Variants in TRPV1 observed in about 807,000 individuals in gnomAD.
TRPV1 encodes the protein OTRPC1.
Under a neutral mutation model 82.3 loss-of-function variants are expected in TRPV1, and 82 were observed. The ratio of observed to expected loss-of-function variants is 1.00; its 90% confidence interval spans 0.83 to 1.20. The LOEUF (loss-of-function observed/expected upper bound fraction) is 1.20. Among genes scored for constraint, TRPV1 ranks in the 50% most tolerant of loss-of-function variants. TRPV1 has a pLI of 0.00. For missense variants in TRPV1, 1,067 were observed against 1,096.8 expected, an observed-to-expected ratio of 0.97 and a Z score of 0.38; for synonymous variants, 515 against 467.7, an observed-to-expected ratio of 1.10 and a Z score of -1.30.
intron 13 of TRPV1, among the ~76,000 whole-genome samples, chr17:3,576,668 A>AATATATATATATAT (rs1555549458): frequency 2.1e-4 from 8 of 38,410 alleles, no homozygotes; most frequent in African/African-American, 5.1e-4. Flanking sequence ...AAAAAAAAAA[A>AATATATATATATAT]ATATATATAT....
intron 8 of TRPV1, 149 bp downstream of exon 8, chr17:3,588,039 T>A (rs1190579914): frequency 1.2e-6 from 1 of 824,676 alleles, no homozygotes; most frequent in Non-Finnish European, 1.9e-6. Context: ...TCAGTGGGCA[T>A]GAGTGGGGAA....
chr17:3,574,551 G>A (rs1365824023), intron 13 of TRPV1, among the ~76,000 whole-genome samples: 3 of 152,210 alleles, frequency 2.0e-5, no homozygotes, highest in African/African-American at 7.2e-5. Flanking sequence ...CTCCCAGCCA[G>A]GGATTCCAAC....
chr17:3,574,005 C>T (rs767611968), intron 13 of TRPV1, 50 bp from the exon 14 acceptor site: 1 of 1,469,762 alleles, frequency 6.8e-7, no homozygotes, highest in South Asian at 1.3e-5. Context: ...GCCAATATCC[C>T]AAGTCCCCTG....
rs575489206 is a variant in TRPV1 at position 3,577,623 on chromosome 17, C to T, written c.1688G>A (p.Gly563Asp). 6.3e-7 allele frequency: 1 copy of T among 1,582,790 alleles called. No homozygotes were observed. Among genetic ancestry groups the T allele is most frequent in the Non-Finnish European group, 8.6e-7 (1 of 1,164,698 alleles). Residue 563 changes from glycine to aspartate, a missense_variant, in exon 12 of 17, where the codon GGC becomes GAC. By Grantham distance (94) the Gly-to-Asp change is moderately conservative. Transcript: ENST00000572705. The stretch of plus-strand genomic sequence containing the variant: ...CTTCTCTATCATGACGGCATAGATG[C>T]CCATCTGCTGGAAACCGCGGGTGTA... ...LYYTRGFQQM[G>D]IYAVMIEKMI... is the part of the protein sequence containing the mutation.
chr17:3,599,459 G>A (rs1017414894), intron 2 of TRPV1, among the ~76,000 whole-genome samples: 1 of 151,626 alleles, frequency 6.6e-6, no homozygotes, highest in Non-Finnish European at 1.5e-5. Flanking sequence ...ACCCCCTAAC[G>A]ACCACCATTC....
chr17:3,573,551 C>CCCCCCCCCCCCCCG, intron 14 of TRPV1, 82 bp downstream of exon 14: 2 of 635,234 alleles, frequency 3.1e-6, no homozygotes, highest in East Asian at 6.2e-5. Flanking sequence ...ACCCACCCAC[C>CCCCCCCCCCCCCCG]TGCAGCCAGC....
chr17:3,573,956 C>G lies in TRPV1; in HGVS notation c.1781-1G>C. ...CCGTCTTCAATCAGCGTCACCACCG[C>G]TACAGGGCACAGGGAGGGCGGGGTG... On this transcript the variant is annotated splice_acceptor_variant, in intron 13 of 16. Coordinates refer to ENST00000572705, the MANE Select transcript of TRPV1 (RefSeq NM_080704.4). LOFTEE classifies it high-confidence loss of function. 6.3e-7 allele frequency: 1 copy of G among 1,595,498 alleles called. No homozygotes were observed. Among genetic ancestry groups the G allele is most frequent in the Non-Finnish European group, 8.5e-7 (1 of 1,172,822 alleles).
At chr17:3,597,840 ATTG>A (rs1274683458) in intron 2 of TRPV1, among the ~76,000 whole-genome samples, 1 of 151,826 alleles carries the variant, frequency 6.6e-6, no homozygotes, top group Non-Finnish European at 1.5e-5. Context: ...CGCCCAGCTA[ATTG>A]TTGTATTTTT....
Position 3,573,795 on chromosome 17 carries a change from G to A in TRPV1, c.1941C>T (p.Asp647=). Residue 647 remains aspartate, a synonymous_variant, in exon 14 of 17, where the codon GAC becomes GAT. Transcript: ENST00000572705. ...AGTCATAGTTCTCAGTGAACTCCAG[G>A]TCGCCCATGCCGATGGTGAACTTGA... ...ELFKFTIGMG[D]LEFTENYDFK... 6.2e-7 allele frequency: 1 copy of A among 1,613,886 alleles called. No homozygotes were observed. Among genetic ancestry groups the A allele is most frequent in the Non-Finnish European group, 8.5e-7 (1 of 1,179,890 alleles).
chr17:3,605,489 AAC>A (rs1294639963), intron 2 of TRPV1, among the ~76,000 whole-genome samples: 1 of 151,976 alleles, frequency 6.6e-6, no homozygotes, highest in African/African-American at 2.4e-5. Flanking sequence ...CAGCCTGGGT[AAC>A]AGAGTGAGAC....
Position 3,592,144 on chromosome 17 carries a change from C to T in TRPV1, c.207G>A (p.Glu69=). The T allele has an allele frequency of 3.7e-6, 6 of 1,613,914 alleles. No individual in the cohort carries two copies. Among genetic ancestry groups the T allele is most frequent in the Non-Finnish European group, 5.1e-6 (6 of 1,179,868 alleles). ...CTGTGATGGTCGGGCAGGAGTCCAG[C>T]TCACCTTCCTCGTGAGGGCAATCCA... ...FPVDCPHEEG[E]LDSCPTITVS... is the part of the protein sequence containing the mutation. The change falls in exon 3 of 17, where the codon GAG becomes GAA. Residue 69 remains glutamate, a synonymous_variant. Coordinates refer to ENST00000572705, the MANE Select transcript of TRPV1 (RefSeq NM_080704.4).
At chr17:3,579,957 GA>G (rs35206227) in intron 11 of TRPV1, among the ~76,000 whole-genome samples, 82,240 of 151,582 alleles carry the variant, frequency 0.54, 25,620 homozygotes, top group East Asian at 0.8. Context: ...GGGGGATGGG[GA>G]AGCTCCAGGC....
chr17:3,599,958 G>C (rs368316679), intron 2 of TRPV1, among the ~76,000 whole-genome samples: 1 of 152,180 alleles, frequency 6.6e-6, no homozygotes, highest in African/African-American at 2.4e-5. Flanking sequence ...CCACTGGGGC[G>C]TGGGATGGAT....
chr17:3,601,874 A>C (rs1289052748), intron 2 of TRPV1: 1 of 151,848 alleles, frequency 6.6e-6, no homozygotes, highest in Non-Finnish European at 1.5e-5. Context: ...GATTACAGAC[A>C]TGAGCTACCA....
Position 3,583,372 on chromosome 17 carries a change from G to C in TRPV1, c.1442C>G (p.Ser481Cys), listed in dbSNP as rs201344035. The change falls in exon 10 of 17, where the codon TCT becomes TGT. Residue 481 changes from serine to cysteine, a missense_variant. By Grantham distance (112) the Ser-to-Cys change is moderately radical. Transcript: ENST00000572705. Reference protein sequence around the residue: ...DYFRVTGEILSVLGGVYFFFR... With the variant: ...DYFRVTGEILCVLGGVYFFFR... ...AAAGAAGTAGACTCCTCCTAACACA[G>C]ACAGGATCTCTCCAGTAACTCGGAA... The C allele has an allele frequency of 6.8e-6, 11 of 1,610,496 alleles. No homozygotes were observed. The highest frequency in any genetic ancestry group is 1.6e-4 in the Middle Eastern group (1 of 6,080).
chr17:3,598,311 G>A (rs1289742696), intron 2 of TRPV1, among the ~76,000 whole-genome samples: 1 of 152,208 alleles, frequency 6.6e-6, no homozygotes, highest in Non-Finnish European at 1.5e-5. Flanking sequence ...AGGCATTGAA[G>A]TGTGGCCACC....
intron 2 of TRPV1, chr17:3,592,786 G>A (rs115168587): frequency 0.025 from 4,309 of 174,312 alleles, 202 homozygotes; most frequent in African/African-American, 0.095. Context: ...GGTGGCTGTC[G>A]TGGGCTGAAT....
Position 3,582,833 on chromosome 17 carries a change from G to A in TRPV1, c.1476+505C>T, listed in dbSNP as rs1053343989. Among the ~76,000 whole-genome samples the A allele has an allele frequency of 4.6e-5, 7 of 151,570 alleles. No homozygotes were observed. In the South Asian group the frequency reaches 6.2e-4, roughly 14 times the overall value. ...AAATTAGCCGGCTGTGGTGGCAGGC[G>A]CCTGTAATCCCAGCTACTCAGGAGA... On this transcript the variant is annotated intron_variant, in intron 10 of 16. Transcript: ENST00000572705.
chr17:3,586,028 T>C (rs1295080764), intron 8 of TRPV1, 102 bp from the exon 9 acceptor site: 3 of 1,450,322 alleles, frequency 2.1e-6, no homozygotes, highest in Non-Finnish European at 2.8e-6. Flanking sequence ...GCCCGCACAG[T>C]CCTCAGCCCA....
Sources: allele counts gnomAD v4.1 joint callset (sites outside exome capture counted in the v4.1 genomes callset), GRCh38; gene constraint gnomAD v4.1.1; transcripts MANE v1.5; gene names NCBI Gene and HGNC (gene_info 2026-07-23, HGNC 2026-07-21).